DOCK11: variants seen among roughly 807,000 people sequenced by gnomAD.
The protein encoded by DOCK11 is dedicator of cytokinesis 11, also known as dedicator of cytokinesis protein 11.
Under a neutral mutation model 169.1 loss-of-function variants are expected in DOCK11, and 70 were observed. The ratio of observed to expected loss-of-function variants is 0.41; its 90% CI spans 0.34 to 0.51. The LOEUF is 0.51. Ranked by LOEUF, DOCK11 falls within the 20% of genes least tolerant of loss-of-function variation. The pLI is 0.10. For synonymous variants in DOCK11, 529 were observed against 541.3 expected (o/e 0.98, Z 0.32); for missense variants, 1,166 against 1,538.8 (o/e 0.76, Z 4.05).
intron 22 of DOCK11, 54 bp downstream of exon 22, chrX:118,598,170 A>G (rs2147439123): frequency 4.4e-6 from 4 of 906,523 alleles, no homozygotes; most frequent in East Asian, 3.2e-5. Context: ...TTGTTTGATT[A>G]AAATAGACCA....
intron 23 of DOCK11, among the ~76,000 whole-genome samples, chrX:118,602,094 C>T (rs868580058): frequency 2.7e-5 from 2 of 74,641 alleles, no homozygotes; most frequent in African/African-American, 4.9e-5. Flanking sequence ...CCGGCCAAGA[C>T]TTTTTTTTTT....
intron 1 of DOCK11, among the ~76,000 whole-genome samples, chrX:118,531,836 G>A (rs1427921905): frequency 9.0e-6 from 1 of 110,950 alleles, no homozygotes; most frequent in Non-Finnish European, 1.9e-5. Flanking sequence ...TGTGATTAGA[G>A]GTGTTAGCCA....
intron 45 of DOCK11, among the ~76,000 whole-genome samples, chrX:118,663,038 T>A (rs1475239763): frequency 8.9e-6 from 1 of 112,158 alleles, no homozygotes; most frequent in African/African-American, 3.2e-5. Context: ...AATAACTAGA[T>A]AAGAGTCAAC....
intron 45 of DOCK11, 45 bp downstream of exon 45, chrX:118,662,837 T>C (rs1452578945): frequency 1.3e-6 from 1 of 769,535 alleles, no homozygotes; most frequent in African/African-American, 2.1e-5. Context: ...AAATTTCACT[T>C]CTTAAAATTC....
Position 118,545,502 on chromosome X carries a change from T to G in DOCK11, c.462+110T>G, listed in dbSNP as rs1603049323. ...GAGAAAATATGAAGGAAATAATTAT[T>G]CTGGAATGATCTGTGGCCAGCTTTC... On this transcript the variant is annotated intron_variant, in intron 5 of 52. Transcript: ENST00000276202. The G allele has an allele frequency of 8.6e-6, 5 of 580,238 alleles. No homozygotes were observed. In the East Asian group the frequency reaches 1.6e-4, roughly 19 times the overall value. 47.8% of individuals were successfully genotyped at this position (580,238 alleles called of 1,213,427 possible).
intron 51 of DOCK11, among the ~76,000 whole-genome samples, chrX:118,682,852 C>G (rs1169757310): frequency 1.8e-5 from 2 of 111,629 alleles, no homozygotes; most frequent in Non-Finnish European, 3.8e-5. Flanking sequence ...TGTTTTGAGC[C>G]AAGTCTTGAA....
At chrX:118,678,814 A>C (rs1341980257) in intron 48 of DOCK11, among the ~76,000 whole-genome samples, 1 of 110,999 alleles carries the variant, frequency 9.0e-6, no homozygotes, top group Non-Finnish European at 1.9e-5. Context: ...TCTGTCGCCC[A>C]GGCTGGAGTG....
chrX:118,568,305 G>T, intron 10 of DOCK11, 143 bp downstream of exon 10: 1 of 258,649 alleles, frequency 3.9e-6, no homozygotes, highest in Non-Finnish European at 6.5e-6. Flanking sequence ...GCTTTGAACA[G>T]GTAACTTAAC....
rs1239015156 is a variant in DOCK11, at chrX:118,496,023, G to A, written c.52G>A (p.Ala18Thr). The A allele has an allele frequency of 9.1e-7, 1 of 1,097,153 alleles. No homozygotes were observed. Among genetic ancestry groups the A allele is most frequent in the Non-Finnish European group, 1.2e-6 (1 of 844,076 alleles). 90.4% of individuals were successfully genotyped at this position (1,097,153 alleles called of 1,213,427 possible). A position where few individuals can be genotyped will look rare whatever the true frequency, so the allele number is the denominator to read the frequency against. The stretch of plus-strand genomic sequence containing the variant: ...ACGGCTCAGCAAGCCTGGCACGGCG[G>A]CTGAGCTCCGGCAGAGCGTGTCTGA... ...TKRLSKPGTA[A>T]ELRQSVSEAV... is the part of the protein sequence containing the mutation. Residue 18 changes from alanine to threonine, a missense_variant, in exon 1 of 53, where the codon GCT becomes ACT. Ala to Thr is a moderately conservative substitution (Grantham distance 58). Transcript: ENST00000276202.
chrX:118,656,368 C>T lies in DOCK11; in HGVS notation c.4969+1407C>T, dbSNP rs747879628. ...TCATTTTACTTATATTTTAAATTAA[C>T]ACTTTCTGTCTGACTCTGGAATTCT... is the stretch of plus-strand genomic sequence containing the variant. On this transcript the variant is annotated intron_variant, in intron 44 of 52. Coordinates refer to ENST00000276202, the MANE Select transcript of DOCK11 (RefSeq NM_144658.4). Among the ~76,000 whole-genome samples the T allele has an allele frequency of 8.1e-5, 9 of 111,666 alleles. No homozygotes were observed. The East Asian group carries it at 2.5e-3, about 31-fold the overall frequency.
intron 6 of DOCK11, among the ~76,000 whole-genome samples, chrX:118,556,296 C>T (rs1046972918): frequency 1.0e-4 from 11 of 107,625 alleles, no homozygotes; most frequent in African/African-American, 3.4e-4. Context: ...CCACCCGCCT[C>T]GGCATCCCAA....
At chrX:118,657,829 C>G (rs2016112651) in intron 44 of DOCK11, among the ~76,000 whole-genome samples, 1 of 110,217 alleles carries the variant, frequency 9.1e-6, no homozygotes. Flanking sequence ...ACTTTGGGGA[C>G]TGGGGGTGGG....
chrX:118,637,961 TATC>T (rs1052626242), intron 36 of DOCK11, 116 bp from the exon 37 acceptor site: 22 of 542,521 alleles, frequency 4.1e-5, no homozygotes, highest in Non-Finnish European at 1.2e-5. Context: ...GCAAAACACT[TATC>T]ATTATAATAT....
intron 10 of DOCK11, among the ~76,000 whole-genome samples, chrX:118,568,373 TATATATA>T (rs1569418497): frequency 2.6e-3 from 3 of 1,155 alleles, no homozygotes; most frequent in Admixed American, 6.2e-3. Flanking sequence ...GGCTGAATTA[TATATATA>T]TATATATATA....
At chrX:118,503,115 C>T (rs960024624) in intron 1 of DOCK11, among the ~76,000 whole-genome samples, 4 of 103,197 alleles carry the variant, frequency 3.9e-5, no homozygotes, top group Admixed American at 3.1e-4. Context: ...CTCTTGTCGC[C>T]CAGGCACGAT....
Position 118,603,467 on chromosome X carries a change from C to T in DOCK11, c.2563-1771C>T, listed in dbSNP as rs1350194055. 1.8e-5 allele frequency among the ~76,000 whole-genome samples: 2 copies of T among 112,427 alleles called. 1 individual carries two copies. Among genetic ancestry groups the T allele is most frequent in the Non-Finnish European group, 3.8e-5 (2 of 53,254 alleles). ...TACTGGTAGCAGGGAATGCCCATCT[C>T]TCTTTTCTACCTGGCACTATTCTAT... is the stretch of plus-strand genomic sequence containing the variant. On this transcript the variant is annotated intron_variant, in intron 23 of 52. Coordinates refer to ENST00000276202, the MANE Select transcript of DOCK11 (RefSeq NM_144658.4).
intron 45 of DOCK11, among the ~76,000 whole-genome samples, chrX:118,670,575 T>G (rs752304111): frequency 1.8e-5 from 2 of 111,685 alleles, no homozygotes; most frequent in Non-Finnish European, 3.8e-5. Context: ...AATAAACACC[T>G]AAACCACCAA....
intron 6 of DOCK11, among the ~76,000 whole-genome samples, chrX:118,556,056 T>C (rs2012680139): frequency 9.2e-6 from 1 of 108,545 alleles, no homozygotes; most frequent in Non-Finnish European, 1.9e-5. Context: ...TTCTTTTTTT[T>C]TTTTTTGACA....
intron 6 of DOCK11, among the ~76,000 whole-genome samples, chrX:118,557,490 C>T (rs1464280311): frequency 9.0e-6 from 1 of 110,765 alleles, no homozygotes; most frequent in African/African-American, 3.3e-5. Flanking sequence ...CAAGGAAGGC[C>T]GGGCGCGGTG....
Sources: allele counts gnomAD v4.1 joint callset (sites outside exome capture counted in the v4.1 genomes callset), GRCh38; gene constraint gnomAD v4.1.1; transcripts MANE v1.5; gene names NCBI Gene and HGNC (gene_info 2026-07-23, HGNC 2026-07-21).